The following SLC30A7 variants were observed in gnomAD, a reference collection of about 807,000 sequenced individuals.
The protein encoded by SLC30A7 is zinc transporter 7.
SLC30A7 carries 35 observed loss-of-function variants against 46.0 expected under a neutral mutation model. The ratio of observed to expected loss-of-function variants is 0.76; its 90% CI spans 0.58 to 1.01. The LOEUF (loss-of-function observed/expected upper bound fraction) is 1.01, where lower values mean the gene tolerates loss of function less well. Among genes scored for constraint, SLC30A7 ranks in the 50% least tolerant of loss-of-function variants. The probability of loss-of-function intolerance (pLI) is 0.00; values close to 1 mark genes in which losing one functional copy is unlikely to be tolerated. For synonymous variants in SLC30A7, 147 were observed against 157.8 expected (o/e 0.93, Z 0.51); for missense variants, 464 against 451.1 (o/e 1.03, Z -0.26).
intron 8 of SLC30A7, among the ~76,000 whole-genome samples, chr1:100,931,519 G>T (rs1262545133): frequency 6.6e-6 from 1 of 152,010 alleles, no homozygotes; most frequent in African/African-American, 2.4e-5. Flanking sequence ...TATTTTCCAT[G>T]CTCTTATTTG....
At chr1:100,964,768 C>T (rs1428971271) in intron 9 of SLC30A7, among the ~76,000 whole-genome samples, 4 of 152,188 alleles carry the variant, frequency 2.6e-5, no homozygotes, top group African/African-American at 9.6e-5. Flanking sequence ...TGGAGCTCAG[C>T]TTAAGGCCTC....
At chr1:100,906,538 C>T (rs759196465) in intron 2 of SLC30A7, among the ~76,000 whole-genome samples, 1 of 151,874 alleles carries the variant, frequency 6.6e-6, no homozygotes, top group East Asian at 1.9e-4. Context: ...TTTTTTTTTC[C>T]TACCTCTCTT....
chr1:100,968,692 G>T (rs1375769418), intron 10 of SLC30A7, among the ~76,000 whole-genome samples: 2 of 152,064 alleles, frequency 1.3e-5, no homozygotes, highest in African/African-American at 2.4e-5. Context: ...CAATGCAATT[G>T]TTACTTTCTC....
intron 7 of SLC30A7, among the ~76,000 whole-genome samples, chr1:100,921,223 A>AT (rs1167304093): frequency 1.3e-5 from 2 of 152,160 alleles, no homozygotes; most frequent in Non-Finnish European, 2.9e-5. Context: ...GTGTAACAGG[A>AT]TAAGTGAAAT....
downstream of SLC30A7, among the ~76,000 whole-genome samples, chr1:100,983,031 G>A (rs1283583220): frequency 2.0e-5 from 3 of 152,110 alleles, no homozygotes; most frequent in African/African-American, 7.2e-5. Flanking sequence ...GCCACCCCAT[G>A]TTAAACTGGT....
chr1:100,933,589 C>T (rs2101048301), intron 8 of SLC30A7, among the ~76,000 whole-genome samples: 1 of 152,128 alleles, frequency 6.6e-6, no homozygotes, highest in East Asian at 1.9e-4. Flanking sequence ...ACTACAGGCC[C>T]CAGTGTGTGA....
At chr1:100,906,785 C>A in intron 2 of SLC30A7, 67 bp from the exon 3 acceptor site, 2 of 1,058,126 alleles carry the variant, frequency 1.9e-6, no homozygotes, top group Non-Finnish European at 1.5e-6. Flanking sequence ...GAATCTTAGA[C>A]TTTCAGAGAA....
At chr1:100,928,038 G>A (rs1339994030) in intron 8 of SLC30A7, among the ~76,000 whole-genome samples, 3 of 152,182 alleles carry the variant, frequency 2.0e-5, no homozygotes, top group Non-Finnish European at 4.4e-5. Context: ...CTGATGATGG[G>A]TGGATTGCCC....
chr1:100,909,407 A>C (rs757790331), intron 3 of SLC30A7, among the ~76,000 whole-genome samples: 1 of 152,158 alleles, frequency 6.6e-6, no homozygotes, highest in Non-Finnish European at 1.5e-5. Context: ...AGTAATATAC[A>C]TCCAGTAGGT....
intron 8 of SLC30A7, among the ~76,000 whole-genome samples, chr1:100,928,151 G>A (rs1297225632): frequency 6.6e-6 from 1 of 152,212 alleles, no homozygotes; most frequent in Non-Finnish European, 1.5e-5. Context: ...ATCAGGAATT[G>A]TAACCCTGGT....
intron 7 of SLC30A7, among the ~76,000 whole-genome samples, chr1:100,918,851 T>A (rs902853016): frequency 2.6e-5 from 4 of 152,300 alleles, no homozygotes; most frequent in Middle Eastern, 3.4e-3. Context: ...CTGCCCAGCA[T>A]CATGAGAGAT....
At chr1:100,948,109 T>C (rs1654748738) in intron 8 of SLC30A7, among the ~76,000 whole-genome samples, 1 of 152,182 alleles carries the variant, frequency 6.6e-6, no homozygotes. Context: ...AGCTGGTTAT[T>C]TTGCCCATTA....
At chr1:100,985,018 AG>A (rs1454189831), downstream of SLC30A7, among the ~76,000 whole-genome samples, 1 of 152,248 alleles carries the variant, frequency 6.6e-6, no homozygotes, top group African/African-American at 2.4e-5. Context: ...ATTTTAGACC[AG>A]TAACCAAAAT....
intron 2 of SLC30A7, among the ~76,000 whole-genome samples, chr1:100,901,495 C>T (rs962176633): frequency 2.0e-5 from 3 of 152,068 alleles, no homozygotes; most frequent in Non-Finnish European, 4.4e-5. Flanking sequence ...TACTGTGTTG[C>T]CCAAGCTGGA....
intron 6 of SLC30A7, among the ~76,000 whole-genome samples, chr1:100,915,622 T>G (rs1652493938): frequency 6.6e-6 from 1 of 152,212 alleles, no homozygotes; most frequent in African/African-American, 2.4e-5. Flanking sequence ...TTTCTTTCTT[T>G]AAGGCTGAAT....
intron 4 of SLC30A7, among the ~76,000 whole-genome samples, chr1:100,911,595 A>G (rs1435550923): frequency 6.6e-6 from 1 of 152,094 alleles, no homozygotes; most frequent in Non-Finnish European, 1.5e-5. Flanking sequence ...CTGTTGCCCA[A>G]GCTGGAGTGC....
chr1:100,933,733 A>G (rs964057121), intron 8 of SLC30A7, among the ~76,000 whole-genome samples: 2 of 152,208 alleles, frequency 1.3e-5, no homozygotes, highest in Admixed American at 6.5e-5. Context: ...ATGTCCCTAC[A>G]AAGGACATGA....
intron 8 of SLC30A7, among the ~76,000 whole-genome samples, chr1:100,951,251 C>T (rs1166203492): frequency 6.6e-6 from 1 of 152,008 alleles, no homozygotes; most frequent in Non-Finnish European, 1.5e-5. Flanking sequence ...ACACAAAGTA[C>T]CCCTTTGTCT....
chr1:100,896,420 C>A, intron 1 of SLC30A7, 78 bp downstream of exon 1: 1 of 1,520,752 alleles, frequency 6.6e-7, no homozygotes. Flanking sequence ...GGCCCGAGGT[C>A]CAGTGAGGGA....
Sources: allele counts gnomAD v4.1 joint callset (sites outside exome capture counted in the v4.1 genomes callset), GRCh38; gene constraint gnomAD v4.1.1; transcripts MANE v1.5; gene names NCBI Gene and HGNC (gene_info 2026-07-23, HGNC 2026-07-21).